The following RUNX2 variants were observed in gnomAD, a reference collection of about 807,000 sequenced individuals.
RUNX2 encodes the protein runt-related transcription factor 2.
A neutral mutation model predicts 51.7 loss-of-function variants in RUNX2; 10 were observed. The observed-to-expected ratio is 0.19, with a 90% CI of 0.12 to 0.33. RUNX2 has a LOEUF of 0.33. Among genes scored for constraint, RUNX2 ranks in the 10% least tolerant of loss-of-function variants. The pLI, the probability that RUNX2 is intolerant of heterozygous loss-of-function variation, is 1.00. For missense variants in RUNX2, 562 were observed against 691.3 expected (o/e 0.81, Z 2.10); for synonymous variants, 276 against 273.6 (o/e 1.01, Z -0.09).
At chr6:45,356,743 T>A (rs1174695173) in intron 2 of RUNX2, among the ~76,000 whole-genome samples, 1 of 152,086 alleles carries the variant, frequency 6.6e-6, no homozygotes. Context: ...AAAGTGTCCA[T>A]CAGTCTCACA....
rs1802442850 is a variant in RUNX2 at position 45,547,615 on chromosome 6, A to C, written c.*310A>C. 2 of 393,872 alleles carry C rather than the reference A, an allele frequency of 5.1e-6. No homozygotes were observed. The highest frequency in any genetic ancestry group is 4.5e-5 in the South Asian group (2 of 44,358). The allele number at this position is 393,872 out of a possible 1,614,324, so 24.4% of individuals were successfully genotyped here. ...TGTTTTTGTTGTTTGGTCTGTTATCATCAATAACCTGTTCATATGCCAATT... is the reference window on the plus strand; with the variant it reads ...TGTTTTTGTTGTTTGGTCTGTTATCCTCAATAACCTGTTCATATGCCAATT... On this transcript the variant is annotated 3_prime_UTR_variant, in exon 9 of 9. Transcript: ENST00000647337.
At chr6:45,415,748 G>A (rs1411140798) in intron 2 of RUNX2, among the ~76,000 whole-genome samples, 1 of 151,950 alleles carries the variant, frequency 6.6e-6, no homozygotes, top group Non-Finnish European at 1.5e-5. Flanking sequence ...TCTTTCTAAC[G>A]TCCCCACCGA....
At chr6:45,384,581 G>A (rs1457581497) in intron 2 of RUNX2, among the ~76,000 whole-genome samples, 1 of 151,544 alleles carries the variant, frequency 6.6e-6, no homozygotes, top group Non-Finnish European at 1.5e-5. Context: ...CACTGTGCCT[G>A]GCCAGTTTTC....
intron 2 of RUNX2, among the ~76,000 whole-genome samples, chr6:45,389,974 C>T (rs1031172445): frequency 6.6e-6 from 1 of 150,870 alleles, no homozygotes; most frequent in Non-Finnish European, 1.5e-5. Flanking sequence ...CCAGTGCCCT[C>T]CAGCCTGGGC....
intron 2 of RUNX2, among the ~76,000 whole-genome samples, chr6:45,370,157 G>A (rs996020817): frequency 6.6e-6 from 1 of 152,238 alleles, no homozygotes; most frequent in Non-Finnish European, 1.5e-5. Context: ...AGACCAGTTA[G>A]GAAGTTATTG....
At chr6:45,331,052 G>A (rs1308991385) in intron 2 of RUNX2, among the ~76,000 whole-genome samples, 1 of 151,842 alleles carries the variant, frequency 6.6e-6, no homozygotes, top group African/African-American at 2.4e-5. Flanking sequence ...GATTTTCCTA[G>A]GTGAGGTACA....
intron 5 of RUNX2, among the ~76,000 whole-genome samples, chr6:45,453,467 A>G (rs1240290054): frequency 6.6e-6 from 1 of 152,174 alleles, no homozygotes; most frequent in Non-Finnish European, 1.5e-5. Context: ...ATCTGAAGCA[A>G]CAGAACACCC....
At chr6:45,348,356 C>A (rs377402446) in intron 2 of RUNX2, among the ~76,000 whole-genome samples, 2 of 151,586 alleles carry the variant, frequency 1.3e-5, no homozygotes, top group South Asian at 2.1e-4. Context: ...TTATCGTCTC[C>A]TCATTTTCTT....
rs905214566 is a variant in RUNX2, at chr6:45,396,332, C to T, written c.59-26261C>T. 3.9e-5 allele frequency among the ~76,000 whole-genome samples: 6 copies of T among 151,940 alleles called. No homozygotes were observed. In the South Asian group the frequency reaches 6.3e-4, roughly 16 times the overall value. ...AATTCAATGGCTTTAGTACATTTACCGAGATGTGTAACCATCACCATAATC... is the reference window on the plus strand; with the variant it reads ...AATTCAATGGCTTTAGTACATTTACTGAGATGTGTAACCATCACCATAATC... On this transcript the variant is annotated intron_variant, in intron 2 of 8. Transcript: ENST00000647337.
chr6:45,471,905 G>A (rs1157668733), intron 5 of RUNX2, among the ~76,000 whole-genome samples: 2 of 152,002 alleles, frequency 1.3e-5, no homozygotes, highest in African/African-American at 4.8e-5. Flanking sequence ...GTAGAGGCTG[G>A]TCTTTTTTCT....
intron 5 of RUNX2, among the ~76,000 whole-genome samples, chr6:45,459,394 C>A (rs1012525960): frequency 6.6e-6 from 1 of 152,206 alleles, no homozygotes; most frequent in Non-Finnish European, 1.5e-5. Flanking sequence ...AACCAGGCAG[C>A]CACAGTATTT....
intron 4 of RUNX2, among the ~76,000 whole-genome samples, chr6:45,437,611 T>C (rs1178107896): frequency 6.6e-6 from 1 of 152,236 alleles, no homozygotes; most frequent in Non-Finnish European, 1.5e-5. Context: ...GATGTGTTCC[T>C]GATGTTGGAG....
chr6:45,364,587 T>A (rs865918029), intron 2 of RUNX2, among the ~76,000 whole-genome samples: 1 of 152,172 alleles, frequency 6.6e-6, no homozygotes, highest in Non-Finnish European at 1.5e-5. Flanking sequence ...CTACCTCTTA[T>A]CAAATCAAGA....
At chr6:45,343,192 G>A (rs988762167) in intron 2 of RUNX2, among the ~76,000 whole-genome samples, 1 of 152,164 alleles carries the variant, frequency 6.6e-6, no homozygotes, top group Non-Finnish European at 1.5e-5. Flanking sequence ...AGCAGAATCA[G>A]CATGACCTGA....
intron 5 of RUNX2, among the ~76,000 whole-genome samples, chr6:45,491,020 T>A (rs960516800): frequency 6.6e-6 from 1 of 152,254 alleles, no homozygotes; most frequent in Non-Finnish European, 1.5e-5. Context: ...GACACTAGTA[T>A]GTCTTTTGTT....
At chr6:45,416,020 G>C (rs1798062609) in intron 2 of RUNX2, among the ~76,000 whole-genome samples, 1 of 152,176 alleles carries the variant, frequency 6.6e-6, no homozygotes, top group Non-Finnish European at 1.5e-5. Flanking sequence ...AATTGATTAT[G>C]ACTAGATGGG....
At chr6:45,392,890 G>A (rs527994327) in intron 2 of RUNX2, among the ~76,000 whole-genome samples, 268 of 151,858 alleles carry the variant, frequency 1.8e-3, no homozygotes, top group Non-Finnish European at 1.3e-3. Flanking sequence ...TTTAGTAATC[G>A]GCCCACAGTT....
chr6:45,361,063 A>T (rs1038888479), intron 2 of RUNX2, among the ~76,000 whole-genome samples: 33 of 152,176 alleles, frequency 2.2e-4, no homozygotes, highest in African/African-American at 7.2e-4. Context: ...ACTTGTGCCT[A>T]AGAGTTTGAA....
chr6:45,427,488 A>G (rs1414560654), intron 3 of RUNX2, among the ~76,000 whole-genome samples: 1 of 152,154 alleles, frequency 6.6e-6, no homozygotes, highest in African/African-American at 2.4e-5. Flanking sequence ...CAAAATATTA[A>G]CTGTAGTATT....
Sources: gnomAD v4.1 joint callset for allele counts (sites outside exome capture counted in the v4.1 genomes callset) on GRCh38, gnomAD v4.1.1 for gene constraint, MANE v1.5 for transcripts, NCBI Gene and HGNC (gene_info 2026-07-23, HGNC 2026-07-21) for gene names.